The following LRP2BP variants were observed in gnomAD, a reference collection of about 807,000 sequenced individuals.
LRP2BP encodes the protein LRP2 binding protein, also known as LRP2-binding protein.
A neutral mutation model predicts 45.2 loss-of-function variants in LRP2BP; 38 were observed. That is an observed-to-expected ratio of 0.84 (90% CI 0.65 to 1.10). LRP2BP has a LOEUF of 1.10. Among genes scored for constraint, LRP2BP ranks in the 50% least tolerant of loss-of-function variants. The pLI is 0.00. For synonymous variants in LRP2BP, 153 were observed against 153.9 expected, an observed-to-expected ratio of 0.99 and a Z score of 0.04; for missense variants, 385 against 418.9, an observed-to-expected ratio of 0.92 and a Z score of 0.71.
Position 185,371,262 on chromosome 4 carries a change from G to A in LRP2BP, c.804-448C>T, listed in dbSNP as rs575610242. Among the ~76,000 whole-genome samples, 4 of 152,158 alleles carry A rather than the reference G, an allele frequency of 2.6e-5. No homozygotes were observed. The South Asian group carries it at 6.2e-4, about 24-fold the overall frequency. On this transcript the variant is annotated intron_variant, in intron 7 of 8. Coordinates refer to ENST00000505916, the MANE Select transcript of LRP2BP (RefSeq NM_001377440.1). ...CTTCTTTAAAAATAGACAATTGGCT[G>A]GGCGCGGTGGCTCACGCCTGTAATC...
Position 185,366,945 on chromosome 4 carries a change from T to A in LRP2BP, c.*235A>T, listed in dbSNP as rs1400581987. 1 of 427,326 alleles carries A rather than the reference T, an allele frequency of 2.3e-6. No homozygotes were observed. Among genetic ancestry groups the A allele is most frequent in the Non-Finnish European group, 4.2e-6 (1 of 237,874 alleles). The allele number at this position is 427,326 out of a possible 1,614,324, so 26.5% of individuals were successfully genotyped here. ...TAATACTTGATATGGTCTCGGCCAG[T>A]CTGTAGGGTAAGAGGTGGACCTCTG... On this transcript the variant is annotated 3_prime_UTR_variant, in exon 9 of 9. Transcript: ENST00000505916.
rs1164630539 is a variant in LRP2BP, at chr4:185,395,469, A to G, written c.-712T>C. ...TTGATAAACAAAAGCGAAACTGGCAATATCAACGTGTGCTCACCTCACAAA... is the reference window on the plus strand; with the variant it reads ...TTGATAAACAAAAGCGAAACTGGCAGTATCAACGTGTGCTCACCTCACAAA... On this transcript the variant is annotated 5_prime_UTR_variant, in exon 1 of 9. Coordinates refer to ENST00000505916, the MANE Select transcript of LRP2BP (RefSeq NM_001377440.1). 3 of 985,240 alleles carry G rather than the reference A, an allele frequency of 3.0e-6. No homozygotes were observed. The highest frequency in any genetic ancestry group is 3.6e-6 in the Non-Finnish European group (3 of 829,844). 61.0% of individuals were successfully genotyped at this position (985,240 alleles called of 1,614,324 possible).
upstream of LRP2BP, chr4:185,397,220 C>T (rs776917043): frequency 1.2e-6 from 2 of 1,614,108 alleles, no homozygotes; most frequent in Non-Finnish European, 8.5e-7. Flanking sequence ...TGCAAGCAGT[C>T]GCCTGTCCAC....
chr4:185,373,168 C>T (rs1341974560), intron 6 of LRP2BP, 89 bp from the exon 7 acceptor site: 7 of 1,148,048 alleles, frequency 6.1e-6, no homozygotes, highest in Non-Finnish European at 8.8e-6. Context: ...TCTGTGTTTC[C>T]TAGATAGCAC....
intron 1 of LRP2BP, among the ~76,000 whole-genome samples, chr4:185,392,338 A>G (rs978089267): frequency 1.3e-5 from 2 of 152,242 alleles, no homozygotes; most frequent in South Asian, 2.1e-4. Flanking sequence ...CATCATCAAA[A>G]GAGGATAACT....
chr4:185,394,435 G>A (rs1040296323), intron 1 of LRP2BP, among the ~76,000 whole-genome samples: 1 of 152,128 alleles, frequency 6.6e-6, no homozygotes, highest in African/African-American at 2.4e-5. Flanking sequence ...TACATGACAA[G>A]TTAATGGATC....
intron 1 of LRP2BP, 71 bp downstream of exon 1, chr4:185,394,708 C>T (rs1174422573): frequency 2.1e-6 from 2 of 960,290 alleles, no homozygotes; most frequent in African/African-American, 3.5e-5. Context: ...CTCTTCCCTT[C>T]CTGGACTCCT....
upstream of LRP2BP, chr4:185,395,965 G>A (rs1020516873): frequency 3.1e-5 from 29 of 949,666 alleles, no homozygotes; most frequent in African/African-American, 3.5e-5. Flanking sequence ...TCGGAAGTCA[G>A]GTCATGTTCT....
chr4:185,395,093 T>TC lies in LRP2BP; in HGVS notation c.-337_-336insG. 1.0e-6 allele frequency: 1 copy of TC among 984,660 alleles called. No homozygotes were observed. Among genetic ancestry groups the TC allele is most frequent in the Non-Finnish European group, 1.2e-6 (1 of 829,750 alleles). 61.0% of individuals were successfully genotyped at this position (984,660 alleles called of 1,614,324 possible). The stretch of plus-strand genomic sequence containing the variant: ...CAGATATCCAGCTGAGATACAACTT[T>TC]TTTTTCTGAAAACAATGTGAGCAAT... On this transcript the variant is annotated 5_prime_UTR_variant, in exon 1 of 9. Coordinates refer to ENST00000505916, the MANE Select transcript of LRP2BP (RefSeq NM_001377440.1).
Position 185,374,258 on chromosome 4 carries a change from G to T in LRP2BP, c.474-18C>A, listed in dbSNP as rs2095425754. 1 of 1,613,870 alleles carries T rather than the reference G, an allele frequency of 6.2e-7. No individual in the cohort carries two copies. Among genetic ancestry groups the T allele is most frequent in the African/African-American group, 1.3e-5 (1 of 74,900 alleles). ...GCCACAGTCTACAAGAGAAAGTGAGGCATGTTATTCTCGGTTTCAGCATTT... is the reference window on the plus strand; with the variant it reads ...GCCACAGTCTACAAGAGAAAGTGAGTCATGTTATTCTCGGTTTCAGCATTT... On this transcript the variant is annotated intron_variant, in intron 5 of 8. Coordinates refer to ENST00000505916, the MANE Select transcript of LRP2BP (RefSeq NM_001377440.1).
In LRP2BP at chr4:185,374,589, A is replaced by G. The variant is rs1193762595; in HGVS notation, c.331-128T>C. The G allele has an allele frequency of 5.1e-6, 5 of 987,972 alleles. 1 individual carries two copies. The South Asian group carries it at 6.7e-5, about 13-fold the overall frequency. The allele number at this position is 987,972 out of a possible 1,614,324, so 61.2% of individuals were successfully genotyped here. A position where few individuals can be genotyped will look rare whatever the true frequency, so the allele number is the denominator to read the frequency against. On this transcript the variant is annotated intron_variant, in intron 4 of 8. Transcript: ENST00000505916. The stretch of plus-strand genomic sequence containing the variant: ...GTATAATACTATGAATCTGTGCCCA[A>G]GGGGTACAATTGTCCTGGATTCTGC...
chr4:185,396,905 C>G, upstream of LRP2BP: 1 of 1,613,240 alleles, frequency 6.2e-7, no homozygotes, highest in Non-Finnish European at 8.5e-7. Flanking sequence ...GGACTCTTGT[C>G]ATCTGCCTTA....
upstream of LRP2BP, chr4:185,396,569 G>GCCGCCGCGGGC (rs1401251243): frequency 2.3e-5 from 7 of 298,632 alleles, no homozygotes; most frequent in African/African-American, 1.6e-4. Flanking sequence ...GCTCCGTGGG[G>GCCGCCGCGGGC]CCGCCGCGGG....
Position 185,386,921 on chromosome 4 carries a change from G to A in LRP2BP, c.-22+7858C>T, listed in dbSNP as rs1017901845. Among the ~76,000 whole-genome samples the A allele has an allele frequency of 3.9e-5, 6 of 152,268 alleles. No homozygotes were observed. The East Asian group carries it at 1.2e-3, about 29-fold the overall frequency. On this transcript the variant is annotated intron_variant, in intron 1 of 8. Coordinates refer to ENST00000505916, the MANE Select transcript of LRP2BP (RefSeq NM_001377440.1). ...ATTATATAAAAGTAAAGAAGCAAGG[G>A]GAGAAAAGACCCTATGTGTAAACAC... is the stretch of plus-strand genomic sequence containing the variant.
intron 7 of LRP2BP, among the ~76,000 whole-genome samples, chr4:185,371,984 A>T (rs577984099): frequency 1.3e-5 from 2 of 152,244 alleles, no homozygotes; most frequent in East Asian, 3.9e-4. Context: ...TGTCTCCCCG[A>T]CCCACTGCTT....
upstream of LRP2BP, chr4:185,396,097 C>G (rs906451146): frequency 6.3e-6 from 1 of 159,730 alleles, no homozygotes; most frequent in East Asian, 1.9e-4. Flanking sequence ...CCGGCGTGGA[C>G]CAGCGTGACG....
intron 8 of LRP2BP, among the ~76,000 whole-genome samples, chr4:185,368,683 A>G (rs1033118803): frequency 6.6e-6 from 1 of 152,180 alleles, no homozygotes; most frequent in Non-Finnish European, 1.5e-5. Context: ...AACTGAGTAC[A>G]GTATTCTAGA....
At chr4:185,397,091 G>A, upstream of LRP2BP, 4 of 1,609,770 alleles carry the variant, frequency 2.5e-6, no homozygotes, top group Non-Finnish European at 3.4e-6. Flanking sequence ...TTTCCAGCCC[G>A]GAGGGGCGCG....
chr4:185,372,949 G>A lies in LRP2BP; in HGVS notation c.710C>T (p.Ala237Val). The A allele has an allele frequency of 1.9e-6, 3 of 1,613,968 alleles. No individual in the cohort carries two copies. The highest frequency in any genetic ancestry group is 2.5e-6 in the Non-Finnish European group (3 of 1,179,818). Residue 237 changes from alanine to valine, a missense_variant, in exon 7 of 9, where the codon GCA becomes GTA. Physicochemically the swap from Ala to Val is moderately conservative, Grantham distance 64. Transcript: ENST00000505916. ...AGCATAGACGTTTCCGCGTTCTGCT[G>A]CTTCTCTTAAGCACTGCAGGGCAGC... is the stretch of plus-strand genomic sequence containing the variant. ...TEAALQCLRE[A>V]AERGNVYAQG...
Sources: allele counts gnomAD v4.1 joint callset (sites outside exome capture counted in the v4.1 genomes callset), GRCh38; gene constraint gnomAD v4.1.1; transcripts MANE v1.5; gene names NCBI Gene and HGNC (gene_info 2026-07-23, HGNC 2026-07-21).